Variants in TOR1AIP2 observed in about 807,000 individuals in gnomAD.
The protein encoded by TOR1AIP2 is torsin-1A-interacting protein 2.
TOR1AIP2 carries 20 observed loss-of-function variants against 32.6 expected under a neutral mutation model. The observed-to-expected ratio is 0.61, with a 90% CI of 0.43 to 0.89. TOR1AIP2 has a LOEUF of 0.89. Ranked by LOEUF, TOR1AIP2 falls within the 40% of genes least tolerant of loss-of-function variation. The pLI is 0.00. For missense variants in TOR1AIP2, 456 were observed against 553.8 expected, an observed-to-expected ratio of 0.82 and a Z score of 1.77; for synonymous variants, 214 against 210.8, an observed-to-expected ratio of 1.02 and a Z score of -0.13.
chr1:179,846,909 CAG>C, intron 6 of TOR1AIP2, 81 bp from the exon 7 acceptor site: 2 of 1,438,964 alleles, frequency 1.4e-6, no homozygotes, highest in Non-Finnish European at 1.8e-6. Flanking sequence ...TGAAATGAGG[CAG>C]AGATACCAGC....
chr1:179,859,604 T>C, intron 3 of TOR1AIP2: 1 of 985,458 alleles, frequency 1.0e-6, no homozygotes, highest in African/African-American at 1.7e-5. Context: ...AATTTGTTTA[T>C]TTCAGTGTTG....
intron 2 of TOR1AIP2, among the ~76,000 whole-genome samples, chr1:179,866,894 T>C (rs1696805847): frequency 6.6e-6 from 1 of 152,042 alleles, no homozygotes; most frequent in Non-Finnish European, 1.5e-5. Flanking sequence ...GGTGGGACAG[T>C]AGGATGTATG....
chr1:179,859,652 T>C, intron 3 of TOR1AIP2: 1 of 985,426 alleles, frequency 1.0e-6, no homozygotes, highest in Non-Finnish European at 1.2e-6. Flanking sequence ...ACAGCAATTA[T>C]ATCTACCATA....
intron 3 of TOR1AIP2, chr1:179,859,715 A>G: frequency 1.0e-6 from 1 of 985,444 alleles, no homozygotes; most frequent in African/African-American, 1.7e-5. Context: ...GCCTTCGGTC[A>G]TCCATCCCTC....
intron 3 of TOR1AIP2, chr1:179,861,200 T>C (rs779814339): frequency 4.1e-5 from 40 of 985,342 alleles, no homozygotes; most frequent in South Asian, 4.7e-5. Context: ...GCTCACACTA[T>C]TTAAAACACT....
chr1:179,854,398 A>C (rs1345626698), intron 3 of TOR1AIP2, among the ~76,000 whole-genome samples: 1 of 152,210 alleles, frequency 6.6e-6, no homozygotes, highest in Non-Finnish European at 1.5e-5. Context: ...TTTTCTCCAA[A>C]TTAATCTACA....
chr1:179,850,469 T>TC (rs1402129552), intron 5 of TOR1AIP2, among the ~76,000 whole-genome samples: 2 of 152,244 alleles, frequency 1.3e-5, no homozygotes, highest in Non-Finnish European at 2.9e-5. Context: ...ACATTTAGTT[T>TC]CCCAAAAAGT....
In TOR1AIP2 at chr1:179,842,696, C is replaced by T. The variant is rs893597306; in HGVS notation, c.*3375G>A. Reference sequence around the variant, plus strand: ...TTTCTAAGTCAAATAAGCAAATTATCTTTGACAATAAAAGACGAATTACTA... The same window carrying T: ...TTTCTAAGTCAAATAAGCAAATTATTTTTGACAATAAAAGACGAATTACTA... On this transcript the variant is annotated 3_prime_UTR_variant, in exon 7 of 7. Coordinates refer to ENST00000609928, the MANE Select transcript of TOR1AIP2 (RefSeq NM_001199260.2). 5.9e-5 allele frequency: 9 copies of T among 152,276 alleles called. No individual in the cohort carries two copies. Among genetic ancestry groups the T allele is most frequent in the African/African-American group, 2.2e-4 (9 of 41,562 alleles). 9.4% of individuals were successfully genotyped at this position (152,276 alleles called of 1,614,324 possible).
Position 179,850,104 on chromosome 1 carries a change from A to T in TOR1AIP2, c.553+741T>A, listed in dbSNP as rs1235352071. Among the ~76,000 whole-genome samples, 225 of 152,330 alleles carry T rather than the reference A, an allele frequency of 1.5e-3. 1 individual carries two copies. Among genetic ancestry groups the T allele is most frequent in the African/African-American group, 5.3e-3 (221 of 41,542 alleles). ...AATACAAACCCACACAGACAATCAC[A>T]GAAGGTGAAAGTTAGAAGAATGTTT... On this transcript the variant is annotated intron_variant, in intron 5 of 6. Coordinates refer to ENST00000609928, the MANE Select transcript of TOR1AIP2 (RefSeq NM_001199260.2).
rs779407577 is a variant in TOR1AIP2 at position 179,844,781 on chromosome 1, T to C, written c.*1290A>G. The C allele has an allele frequency of 2.4e-4, 37 of 152,224 alleles. No individual in the cohort carries two copies. Among genetic ancestry groups the C allele is most frequent in the Admixed American group, 1.3e-3 (20 of 15,290 alleles). 9.4% of individuals were successfully genotyped at this position (152,224 alleles called of 1,614,324 possible). A position where few individuals can be genotyped will look rare whatever the true frequency, so the allele number is the denominator to read the frequency against. On this transcript the variant is annotated 3_prime_UTR_variant, in exon 7 of 7. Coordinates refer to ENST00000609928, the MANE Select transcript of TOR1AIP2 (RefSeq NM_001199260.2). The stretch of plus-strand genomic sequence containing the variant: ...TCAAGAAATGAGCTGCATTACATAA[T>C]GTTCCATCACTGCATAGAAATAAAC...
Position 179,847,910 on chromosome 1 carries a change from G to A in TOR1AIP2, c.554-274C>T, listed in dbSNP as rs549879014. Among the ~76,000 whole-genome samples the A allele has an allele frequency of 1.4e-3, 220 of 152,168 alleles. 2 individuals carry two copies. Among genetic ancestry groups the A allele is most frequent in the Non-Finnish European group, 1.6e-4 (11 of 68,014 alleles). ...TTATCGGGCATGATGGCGGGCGCCT[G>A]TAATCCCAGCTACGTGGGAGGCTGA... is the stretch of plus-strand genomic sequence containing the variant. On this transcript the variant is annotated intron_variant, in intron 5 of 6. Transcript: ENST00000609928.
chr1:179,872,529 T>C (rs778596422), intron 2 of TOR1AIP2, among the ~76,000 whole-genome samples: 13 of 152,216 alleles, frequency 8.5e-5, no homozygotes, highest in Non-Finnish European at 1.6e-4. Context: ...TGGTGACTTA[T>C]TCTAGATTTT....
intron 2 of TOR1AIP2, among the ~76,000 whole-genome samples, chr1:179,873,113 C>G (rs1697072835): frequency 1.3e-5 from 2 of 152,170 alleles, no homozygotes; most frequent in South Asian, 4.1e-4. Context: ...TCAGTCTTTA[C>G]CTGTCATTTG....
rs968319757 is a variant in TOR1AIP2, at chr1:179,843,455, G to A, written c.*2616C>T. On this transcript the variant is annotated 3_prime_UTR_variant, in exon 7 of 7. Coordinates refer to ENST00000609928, the MANE Select transcript of TOR1AIP2 (RefSeq NM_001199260.2). ...CAGGAGGTGTAGGTTACAGTGAGAT[G>A]AGATTGTGCCACTGCACTGCATTCC... 2.7e-5 allele frequency: 4 copies of A among 146,352 alleles called. No individual in the cohort carries two copies. Among genetic ancestry groups the A allele is most frequent in the Non-Finnish European group, 5.9e-5 (4 of 67,328 alleles). 9.1% of individuals were successfully genotyped at this position (146,352 alleles called of 1,614,324 possible).
Position 179,865,816 on chromosome 1 carries a change from T to C in TOR1AIP2, c.-527A>G, listed in dbSNP as rs1264026146. ...GACCCAATTGCTGTGAAGAAGCTGATGCTCAGTTGGCTGAAGAGTCTGGGA... is the reference window on the plus strand; with the variant it reads ...GACCCAATTGCTGTGAAGAAGCTGACGCTCAGTTGGCTGAAGAGTCTGGGA... On this transcript the variant is annotated 5_prime_UTR_variant, in exon 3 of 7. Transcript: ENST00000609928. 1.3e-5 allele frequency: 2 copies of C among 152,728 alleles called. No homozygotes were observed. Among genetic ancestry groups the C allele is most frequent in the Non-Finnish European group, 2.9e-5 (2 of 68,080 alleles). The allele number at this position is 152,728 out of a possible 1,614,324, so 9.5% of individuals were successfully genotyped here.
chr1:179,854,433 T>C lies in TOR1AIP2; in HGVS notation c.-146-1622A>G, dbSNP rs531766731. On this transcript the variant is annotated intron_variant, in intron 3 of 6. Transcript: ENST00000609928. ...AAATTTAATGCAATTTGAAACAAAA[T>C]CTCAAGTTTTTTGATTATTGTTGGT... 1.8e-4 allele frequency among the ~76,000 whole-genome samples: 28 copies of C among 152,294 alleles called. No individual in the cohort carries two copies. In the South Asian group the frequency reaches 5.8e-3, roughly 32 times the overall value.
Position 179,852,725 on chromosome 1 carries a change from G to A in TOR1AIP2, c.-60C>T, listed in dbSNP as rs573911800. On this transcript the variant is annotated 5_prime_UTR_variant, in exon 4 of 7. Transcript: ENST00000609928. Reference sequence around the variant, plus strand: ...CTTTTTTTAGTACTTGGTTTTCCTTGTGAAGATGTCTTGTTTTCTTCTTGT... The same window carrying A: ...CTTTTTTTAGTACTTGGTTTTCCTTATGAAGATGTCTTGTTTTCTTCTTGT... The A allele has an allele frequency of 3.1e-6, 5 of 1,611,970 alleles. No individual in the cohort carries two copies. In the South Asian group the frequency reaches 5.5e-5, roughly 18 times the overall value.
chr1:179,872,934 A>G (rs1460251637), intron 2 of TOR1AIP2, among the ~76,000 whole-genome samples: 1 of 152,262 alleles, frequency 6.6e-6, no homozygotes, highest in East Asian at 1.9e-4. Context: ...TTGCAAAAAT[A>G]GCACACAGTT....
At chr1:179,864,328 AAC>A in intron 3 of TOR1AIP2, 10 of 987,474 alleles carry the variant, frequency 1.0e-5, no homozygotes, top group Non-Finnish European at 1.2e-5. Context: ...GTGAGTTTAC[AAC>A]AGTGTAATTT....
Sources: allele counts gnomAD v4.1 joint callset (sites outside exome capture counted in the v4.1 genomes callset), GRCh38; gene constraint gnomAD v4.1.1; transcripts MANE v1.5; gene names NCBI Gene and HGNC (gene_info 2026-07-23, HGNC 2026-07-21).